The following HECW1 variants were observed in gnomAD, a reference collection of about 807,000 sequenced individuals.
HECW1 encodes E3 ubiquitin-protein ligase HECW1.
Under a neutral mutation model 182.3 loss-of-function variants are expected in HECW1, and 61 were observed. The observed-to-expected ratio is 0.33, with a 90% CI of 0.27 to 0.41. The LOEUF (loss-of-function observed/expected upper bound fraction) is 0.41. HECW1 is among the 10% of genes least tolerant of loss of function. The probability of loss-of-function intolerance (pLI) is 1.00; values close to 1 mark genes in which losing one functional copy is unlikely to be tolerated. For synonymous variants in HECW1, 859 were observed against 832.6 expected, an observed-to-expected ratio of 1.03 and a Z score of -0.55; for missense variants, 1,739 against 2,108.9, an observed-to-expected ratio of 0.82 and a Z score of 3.44.
chr7:43,187,074 A>G (rs1254225484), intron 2 of HECW1, among the ~76,000 whole-genome samples: 1 of 152,228 alleles, frequency 6.6e-6, no homozygotes, highest in African/African-American at 2.4e-5. Context: ...AGTCAAAACT[A>G]CAATGTCTGA....
intron 17 of HECW1, among the ~76,000 whole-genome samples, chr7:43,491,278 T>C (rs921886979): frequency 6.6e-6 from 1 of 152,220 alleles, no homozygotes; most frequent in East Asian, 1.9e-4. Context: ...TTTTCCTGGA[T>C]CCTCAGATTC....
intron 24 of HECW1, among the ~76,000 whole-genome samples, chr7:43,523,849 G>C (rs528899722): frequency 6.6e-6 from 1 of 152,082 alleles, no homozygotes; most frequent in African/African-American, 2.4e-5. Context: ...GCCTGCAGGC[G>C]GTGGTGTGAG....
At chr7:43,544,354 C>A (rs550911757) in intron 26 of HECW1, among the ~76,000 whole-genome samples, 1 of 152,214 alleles carries the variant, frequency 6.6e-6, no homozygotes, top group Non-Finnish European at 1.5e-5. Flanking sequence ...AGATAGTTCC[C>A]AGAAAAGGAA....
chr7:43,457,525 C>G (rs112623426), intron 13 of HECW1, among the ~76,000 whole-genome samples: 35 of 152,268 alleles, frequency 2.3e-4, no homozygotes, highest in African/African-American at 8.2e-4. Flanking sequence ...GTAATCCCAG[C>G]ACTTTGGGAG....
chr7:43,543,462 G>A (rs945177875), intron 26 of HECW1, among the ~76,000 whole-genome samples: 6 of 152,162 alleles, frequency 3.9e-5, no homozygotes, highest in Non-Finnish European at 5.9e-5. Context: ...ACTCTGGAGA[G>A]CACATTTAAA....
intron 15 of HECW1, 74 bp from the exon 16 acceptor site, chr7:43,468,846 G>A: frequency 7.8e-7 from 1 of 1,289,624 alleles, no homozygotes; most frequent in South Asian, 1.3e-5. Flanking sequence ...CAGTGTTAGG[G>A]TGCTCATAGT....
intron 5 of HECW1, among the ~76,000 whole-genome samples, chr7:43,334,840 A>G (rs955029537): frequency 5.3e-5 from 8 of 152,222 alleles, no homozygotes; most frequent in Non-Finnish European, 1.0e-4. Context: ...ACCCTCTACC[A>G]GAGAATGGCA....
intron 3 of HECW1, among the ~76,000 whole-genome samples, chr7:43,308,376 T>C (rs1808063389): frequency 7.7e-6 from 1 of 129,418 alleles, no homozygotes; most frequent in Non-Finnish European, 1.6e-5. Context: ...ACATATAATA[T>C]ATTTATATAT....
rs116858275 is a variant in HECW1, at chr7:43,526,651, A to C, written c.4020-14512A>C. ...CATTCCTGTATTCTCTGGTCTGTGC[A>C]GCTCAAATAATTAAGGCTTCTAAAC... On this transcript the variant is annotated intron_variant, in intron 24 of 29. Coordinates refer to ENST00000395891, the MANE Select transcript of HECW1 (RefSeq NM_015052.5). Among the ~76,000 whole-genome samples, 204 of 152,340 alleles carry C rather than the reference A, an allele frequency of 1.3e-3. 4 individuals are homozygous for C. In the East Asian group the frequency reaches 0.036, roughly 27 times the overall value.
At chr7:43,466,717 T>C (rs1457601775) in intron 15 of HECW1, 149 bp downstream of exon 15, 14 of 881,790 alleles carry the variant, frequency 1.6e-5, no homozygotes, top group Non-Finnish European at 2.3e-5. Flanking sequence ...CTTTTGACTA[T>C]CCGTGAGTCT....
intron 3 of HECW1, among the ~76,000 whole-genome samples, chr7:43,289,753 G>C (rs1805149176): frequency 6.6e-6 from 1 of 152,228 alleles, no homozygotes; most frequent in African/African-American, 2.4e-5. Flanking sequence ...TGTGGCCCAG[G>C]TGGTTACAGT....
chr7:43,496,472 CTT>C (rs1300660709), intron 19 of HECW1, among the ~76,000 whole-genome samples: 1 of 152,058 alleles, frequency 6.6e-6, no homozygotes, highest in Non-Finnish European at 1.5e-5. Context: ...GGAGGTCAAG[CTT>C]AAGAGATGCA....
chr7:43,201,362 G>A (rs537731573), intron 2 of HECW1, among the ~76,000 whole-genome samples: 1 of 152,324 alleles, frequency 6.6e-6, no homozygotes, highest in Non-Finnish European at 1.5e-5. Context: ...TGTAGAGGCA[G>A]GATGTACAGA....
chr7:43,305,614 T>C (rs563780667), intron 3 of HECW1, among the ~76,000 whole-genome samples: 1 of 148,828 alleles, frequency 6.7e-6, no homozygotes, highest in East Asian at 2.0e-4. Flanking sequence ...TTGTTGTTGT[T>C]TGTTGTTTGG....
chr7:43,222,833 ATCT>A (rs1797100295), intron 2 of HECW1, among the ~76,000 whole-genome samples: 1 of 151,848 alleles, frequency 6.6e-6, no homozygotes, highest in African/African-American at 2.4e-5. Flanking sequence ...CAGGGCTGTG[ATCT>A]TCTCTCCTGT....
chr7:43,442,660 C>A (rs2152876166), intron 10 of HECW1, 31 bp downstream of exon 10: 1 of 1,415,946 alleles, frequency 7.1e-7, no homozygotes, highest in Non-Finnish European at 1.0e-6. Context: ...ATGTCTTGTC[C>A]TAGGCTAGTG....
chr7:43,357,402 G>A (rs1815293254), intron 5 of HECW1, among the ~76,000 whole-genome samples: 1 of 152,176 alleles, frequency 6.6e-6, no homozygotes, highest in Admixed American at 6.5e-5. Context: ...ATGGAATTCT[G>A]TCATTTGCAG....
chr7:43,557,295 C>G (rs1014360249), intron 29 of HECW1, among the ~76,000 whole-genome samples: 1 of 152,208 alleles, frequency 6.6e-6, no homozygotes, highest in Non-Finnish European at 1.5e-5. Context: ...GCCTTCAGCT[C>G]TTTCCTCAAG....
At chr7:43,318,236 A>G (rs1809588921) in intron 4 of HECW1, among the ~76,000 whole-genome samples, 4 of 152,214 alleles carry the variant, frequency 2.6e-5, no homozygotes, top group Admixed American at 2.6e-4. Flanking sequence ...GAGAACTGCT[A>G]TAATGAGGCA....
Sources: gnomAD v4.1 joint callset for allele counts (sites outside exome capture counted in the v4.1 genomes callset) on GRCh38, gnomAD v4.1.1 for gene constraint, MANE v1.5 for transcripts, NCBI Gene and HGNC (gene_info 2026-07-23, HGNC 2026-07-21) for gene names.